Variants in GPLD1 observed in about 807,000 individuals in gnomAD.
The protein encoded by GPLD1 is glycosylphosphatidylinositol specific phospholipase D1.
In GPLD1, 84 loss-of-function variants were observed where a neutral mutation model predicts 112.6. The observed-to-expected ratio is 0.75, with a 90% CI of 0.63 to 0.89. GPLD1 has a LOEUF of 0.89. GPLD1 is among the 40% of genes least tolerant of loss of function. GPLD1 has a pLI of 0.00. For synonymous variants in GPLD1, 386 were observed against 403.8 expected (o/e 0.96, Z 0.53); for missense variants, 1,044 against 1,051.5 (o/e 0.99, Z 0.10).
intron 2 of GPLD1, among the ~76,000 whole-genome samples, chr6:24,481,169 C>T (rs1764189867): frequency 6.6e-6 from 1 of 152,188 alleles, no homozygotes; most frequent in African/African-American, 2.4e-5. Context: ...GGAGTCCTTT[C>T]TGGACACCTG....
Position 24,456,582 on chromosome 6 carries a change from A to T in GPLD1, c.1064T>A (p.Ile355Lys), listed in dbSNP as rs1200772832. The change falls in exon 13 of 25, where the codon ATA (isoleucine) becomes AAA (lysine). Residue 355 changes from isoleucine to lysine, a missense_variant. By Grantham distance (102) the Ile-to-Lys change is moderately radical (BLOSUM62 -3). Coordinates refer to ENST00000230036, the MANE Select transcript of GPLD1 (RefSeq NM_001503.4). Reference sequence around the variant, plus strand: ...CTTTTGTGACAACTGAGAGCCACCTATGAACATTGTCCTTATGTTCCTTTC... The same window carrying T: ...CTTTTGTGACAACTGAGAGCCACCTTTGAACATTGTCCTTATGTTCCTTTC... ...ALERNIRTMF[I>K]GGSQLSQKHV... 1.2e-6 allele frequency: 2 copies of T among 1,603,050 alleles called. No individual in the cohort carries two copies. Among genetic ancestry groups the T allele is most frequent in the Non-Finnish European group, 1.7e-6 (2 of 1,170,134 alleles).
chr6:24,452,233 G>GCC (rs1368474960), intron 14 of GPLD1, among the ~76,000 whole-genome samples: 14 of 152,192 alleles, frequency 9.2e-5, no homozygotes, highest in Admixed American at 8.5e-4. Context: ...GTCTATATGT[G>GCC]CCCAAAGGTT....
At chr6:24,455,093 G>A (rs1027905084) in intron 13 of GPLD1, among the ~76,000 whole-genome samples, 20 of 152,202 alleles carry the variant, frequency 1.3e-4, no homozygotes, top group African/African-American at 3.4e-4. Flanking sequence ...CAGAACAAAC[G>A]GCAGAACAAA....
chr6:24,476,866 C>T (rs191312903), intron 3 of GPLD1, among the ~76,000 whole-genome samples: 38 of 152,152 alleles, frequency 2.5e-4, no homozygotes, highest in Middle Eastern at 3.4e-3. Flanking sequence ...CAGAACTGGC[C>T]TCTGTGCTAA....
chr6:24,450,747 C>G (rs759737881), intron 14 of GPLD1, among the ~76,000 whole-genome samples: 2 of 152,148 alleles, frequency 1.3e-5, no homozygotes, highest in Non-Finnish European at 2.9e-5. Flanking sequence ...GAGGCCGAGG[C>G]GAGCAGATCA....
At position 24,475,148 on chromosome 6, in the gene GPLD1, T is replaced by C; in HGVS notation, c.414A>G (p.Glu138=). 3.1e-6 allele frequency: 5 copies of C among 1,605,798 alleles called. No homozygotes were observed. The highest frequency in any genetic ancestry group is 4.3e-6 in the Non-Finnish European group (5 of 1,172,462). The change falls in exon 5 of 25, where the codon GAA becomes GAG. Residue 138 remains glutamate (E), a synonymous_variant. Coordinates refer to ENST00000230036, the MANE Select transcript of GPLD1 (RefSeq NM_001503.4). ...ADVSWHSLGL[E]QGFLRTMGAI... is the part of the protein sequence containing the mutation. ...CTCCCATGGTCCTAAGGAATCCTTGTTCAAGGCCCAGACTATGCCAGCTGA... is the reference window on the plus strand; with the variant it reads ...CTCCCATGGTCCTAAGGAATCCTTGCTCAAGGCCCAGACTATGCCAGCTGA...
At chr6:24,462,968 C>T (rs904983689) in intron 10 of GPLD1, among the ~76,000 whole-genome samples, 173 bp from the exon 11 acceptor site, 1 of 152,116 alleles carries the variant, frequency 6.6e-6, no homozygotes, top group Admixed American at 6.6e-5. Flanking sequence ...GGTAGGCTGA[C>T]GGTTGTCACT....
At chr6:24,435,559 T>A (rs965622709) in intron 22 of GPLD1, among the ~76,000 whole-genome samples, 2 of 152,052 alleles carry the variant, frequency 1.3e-5, no homozygotes, top group Non-Finnish European at 2.9e-5. Context: ...AAAATAATTT[T>A]AAATTTTTTA....
At position 24,445,569 on chromosome 6, in the gene GPLD1, A is replaced by G; in HGVS notation, c.1997T>C (p.Leu666Pro). ...VLMNGTLKQV[L>P]LVGAPTYDDV... The stretch of plus-strand genomic sequence containing the variant: ...ACCGTACGTAGGGGCTCCAACCAGC[A>G]GCACTTGTTTCAGAGTCCCATTCAT... Residue 666 changes from leucine (L) to proline (P), a missense_variant, in exon 20 of 25, where the codon CTG (leucine) becomes CCG (proline). Physicochemically the swap from Leu to Pro is moderately conservative, Grantham distance 98 (BLOSUM62 -3). Coordinates refer to ENST00000230036, the MANE Select transcript of GPLD1 (RefSeq NM_001503.4). The G allele has an allele frequency of 6.2e-7, 1 of 1,613,760 alleles. No homozygotes were observed. Among genetic ancestry groups the G allele is most frequent in the Non-Finnish European group, 8.5e-7 (1 of 1,179,632 alleles).
intron 22 of GPLD1, among the ~76,000 whole-genome samples, chr6:24,436,259 T>G (rs1719048515): frequency 6.6e-6 from 1 of 152,156 alleles, no homozygotes; most frequent in African/African-American, 2.4e-5. Context: ...CCGTCTCTAT[T>G]TTAAAAAGAG....
intron 22 of GPLD1, among the ~76,000 whole-genome samples, chr6:24,435,040 G>A (rs9467145): frequency 0.066 from 9,595 of 145,642 alleles, 730 homozygotes; most frequent in African/African-American, 0.19. Flanking sequence ...TTGAGACAGA[G>A]TCTTGCTGTT....
intron 20 of GPLD1, among the ~76,000 whole-genome samples, chr6:24,444,904 T>C (rs989964371): frequency 6.6e-6 from 1 of 152,154 alleles, no homozygotes; most frequent in African/African-American, 2.4e-5. Context: ...TGAACTGACT[T>C]ATACAATTTT....
intron 1 of GPLD1, 83 bp downstream of exon 1, chr6:24,489,332 C>G: frequency 9.7e-7 from 1 of 1,032,732 alleles, no homozygotes; most frequent in Non-Finnish European, 1.5e-6. Flanking sequence ...TATCAATCCA[C>G]GAGCGGGATT....
chr6:24,431,707 G>C (rs1581724988), intron 24 of GPLD1, among the ~76,000 whole-genome samples: 1 of 151,864 alleles, frequency 6.6e-6, no homozygotes, highest in East Asian at 1.9e-4. Flanking sequence ...GCTATTTTTT[G>C]TATTTTTAGT....
Position 24,449,846 on chromosome 6 carries a change from G to T in GPLD1, c.1389C>A (p.Gly463=). 1 of 1,613,786 alleles carries T rather than the reference G, an allele frequency of 6.2e-7. No individual in the cohort carries two copies. ...GAGCTCCCACGGCCAGGTCAGGCACGCCGTCCACGTTAAAGTCCAACACAG... is the reference window on the plus strand; with the variant it reads ...GAGCTCCCACGGCCAGGTCAGGCACTCCGTCCACGTTAAAGTCCAACACAG... ...ALAVLDFNVD[G]VPDLAVGAPS... is the part of the protein sequence containing the mutation. The change falls in exon 15 of 25, where the codon GGC becomes GGA. Residue 463 remains glycine, a synonymous_variant. Transcript: ENST00000230036.
At chr6:24,430,328 C>T (rs1388772249) in intron 24 of GPLD1, among the ~76,000 whole-genome samples, 1 of 152,216 alleles carries the variant, frequency 6.6e-6, no homozygotes, top group Non-Finnish European at 1.5e-5. Context: ...CCTGACTCCA[C>T]CAGCAGAGAC....
At chr6:24,445,963 G>A in intron 18 of GPLD1, 132 bp from the exon 19 acceptor site, 1 of 661,388 alleles carries the variant, frequency 1.5e-6, no homozygotes, top group Non-Finnish European at 2.7e-6. Context: ...TGCGACCCCA[G>A]GCCTGGAAGT....
chr6:24,486,655 A>G (rs527310253), intron 1 of GPLD1, among the ~76,000 whole-genome samples: 1 of 152,206 alleles, frequency 6.6e-6, no homozygotes, highest in South Asian at 2.1e-4. Flanking sequence ...CGTCTCTACT[A>G]AAAATACAAA....
chr6:24,484,463 A>C (rs1164779264), intron 2 of GPLD1, among the ~76,000 whole-genome samples: 4 of 148,972 alleles, frequency 2.7e-5, no homozygotes, highest in Admixed American at 2.7e-4. Flanking sequence ...TGATCCACCC[A>C]CCTTGGCCTC....
Sources: gnomAD v4.1 joint callset for allele counts (sites outside exome capture counted in the v4.1 genomes callset) on GRCh38, gnomAD v4.1.1 for gene constraint, MANE v1.5 for transcripts, NCBI Gene and HGNC (gene_info 2026-07-23, HGNC 2026-07-21) for gene names.